Variants in ADCY2 observed in about 807,000 individuals in gnomAD.
ADCY2 encodes adenylate cyclase type 2.
In ADCY2, 31 loss-of-function variants were observed where a neutral mutation model predicts 125.2. The ratio of observed to expected loss-of-function variants is 0.25; its 90% CI spans 0.19 to 0.33. The LOEUF is 0.33. Among genes scored for constraint, ADCY2 ranks in the 10% least tolerant of loss-of-function variants. ADCY2 has a pLI of 1.00. For missense variants in ADCY2, 904 were observed against 1,418.2 expected (o/e 0.64, Z 5.82); for synonymous variants, 512 against 548.4 (o/e 0.93, Z 0.93).
intron 12 of ADCY2, among the ~76,000 whole-genome samples, chr5:7,723,532 A>G (rs1337064994): frequency 6.6e-6 from 1 of 152,212 alleles, no homozygotes; most frequent in Non-Finnish European, 1.5e-5. Flanking sequence ...TTATTTGTCA[A>G]CAACTGAGAG....
chr5:7,541,483 A>T (rs752987888), intron 3 of ADCY2, among the ~76,000 whole-genome samples: 6 of 152,200 alleles, frequency 3.9e-5, no homozygotes, highest in Non-Finnish European at 8.8e-5. Context: ...AACATTCTTG[A>T]TGAGATCACA....
At chr5:7,600,482 C>A (rs755919689) in intron 3 of ADCY2, among the ~76,000 whole-genome samples, 10 of 152,082 alleles carry the variant, frequency 6.6e-5, no homozygotes, top group Non-Finnish European at 1.3e-4. Flanking sequence ...GGCACAAAGG[C>A]AAGGGCTGAG....
At chr5:7,622,502 G>A (rs1225303737) in intron 3 of ADCY2, among the ~76,000 whole-genome samples, 14 of 152,200 alleles carry the variant, frequency 9.2e-5, no homozygotes, top group Admixed American at 9.2e-4. Context: ...TTAAAAATCA[G>A]TAAAGGCATT....
intron 2 of ADCY2, among the ~76,000 whole-genome samples, chr5:7,495,203 C>G (rs1743304332): frequency 6.6e-6 from 1 of 152,178 alleles, no homozygotes; most frequent in South Asian, 2.1e-4. Flanking sequence ...TGCCTCACCT[C>G]CATGTTCTGC....
At chr5:7,669,934 G>C (rs1739876167) in intron 4 of ADCY2, among the ~76,000 whole-genome samples, 1 of 152,164 alleles carries the variant, frequency 6.6e-6, no homozygotes, top group African/African-American at 2.4e-5. Context: ...TGTGAGCTTA[G>C]GTCATGTTCC....
chr5:7,733,024 C>CT (rs1382501861), intron 14 of ADCY2, among the ~76,000 whole-genome samples: 2 of 152,104 alleles, frequency 1.3e-5, no homozygotes, highest in Non-Finnish European at 2.9e-5. Context: ...GCATGAATTG[C>CT]TTTTTTTGCT....
chr5:7,475,867 C>A (rs1445777620), intron 2 of ADCY2, among the ~76,000 whole-genome samples: 1 of 152,108 alleles, frequency 6.6e-6, no homozygotes, highest in African/African-American at 2.4e-5. Context: ...GATCTAAAGT[C>A]TGAGTGGACT....
At chr5:7,659,573 G>C (rs1337823205) in intron 4 of ADCY2, among the ~76,000 whole-genome samples, 1 of 152,180 alleles carries the variant, frequency 6.6e-6, no homozygotes, top group African/African-American at 2.4e-5. Context: ...AGTTATACTT[G>C]CAGTTAGTCC....
At chr5:7,566,198 G>A (rs1304002424) in intron 3 of ADCY2, among the ~76,000 whole-genome samples, 1 of 152,150 alleles carries the variant, frequency 6.6e-6, no homozygotes, top group Non-Finnish European at 1.5e-5. Context: ...CGTTGAGAAA[G>A]GGACACTGCG....
intron 22 of ADCY2, among the ~76,000 whole-genome samples, chr5:7,809,094 GC>G (rs1163846879): frequency 6.6e-6 from 1 of 152,146 alleles, no homozygotes; most frequent in African/African-American, 2.4e-5. Flanking sequence ...CGACTCCATG[GC>G]CATAGTAAGT....
At chr5:7,722,981 AAAAAAG>A (rs1368873962) in intron 12 of ADCY2, among the ~76,000 whole-genome samples, 6 of 147,942 alleles carry the variant, frequency 4.1e-5, no homozygotes, top group Non-Finnish European at 7.4e-5. Flanking sequence ...AAAAAAAAAA[AAAAAAG>A]CATGTCCTTT....
At chr5:7,624,314 T>A (rs1738052317) in intron 3 of ADCY2, among the ~76,000 whole-genome samples, 1 of 152,180 alleles carries the variant, frequency 6.6e-6, no homozygotes, top group Non-Finnish European at 1.5e-5. Context: ...TGTCACCTTA[T>A]TACACTTACA....
chr5:7,776,740 A>T (rs1743740616), intron 18 of ADCY2, among the ~76,000 whole-genome samples: 1 of 152,214 alleles, frequency 6.6e-6, no homozygotes, highest in Admixed American at 6.5e-5. Flanking sequence ...CAACCAGAAC[A>T]AAGCAGGTGA....
At position 7,727,082 on chromosome 5, in the gene ADCY2, T is replaced by G. The variant is rs1343378148; in HGVS notation, c.1774-82T>G. 4.0e-6 allele frequency: 4 copies of G among 1,011,770 alleles called. No homozygotes were observed. The East Asian group carries it at 7.3e-5, about 18-fold the overall frequency. 62.7% of individuals were successfully genotyped at this position (1,011,770 alleles called of 1,614,324 possible). On this transcript the variant is annotated intron_variant, in intron 13 of 24. Coordinates refer to ENST00000338316, the MANE Select transcript of ADCY2 (RefSeq NM_020546.3). Reference sequence around the variant, plus strand: ...CAATTTCTGAGTGTGGTGCATGCTCTGGGTACAACTAGGCTGCTGGACACT... The same window carrying G: ...CAATTTCTGAGTGTGGTGCATGCTCGGGGTACAACTAGGCTGCTGGACACT...
chr5:7,707,897 T>G, intron 9 of ADCY2, 59 bp downstream of exon 9: 1 of 1,562,220 alleles, frequency 6.4e-7, no homozygotes, highest in South Asian at 1.2e-5. Flanking sequence ...TTATTGATAT[T>G]CATAAGTGTT....
chr5:7,478,472 C>T (rs947622583), intron 2 of ADCY2, among the ~76,000 whole-genome samples: 1 of 152,152 alleles, frequency 6.6e-6, no homozygotes, highest in Admixed American at 6.5e-5. Flanking sequence ...ACAGAATATA[C>T]TTAACATACC....
At chr5:7,703,900 G>C (rs909389827) in intron 7 of ADCY2, among the ~76,000 whole-genome samples, 11 of 151,802 alleles carry the variant, frequency 7.2e-5, no homozygotes, top group Non-Finnish European at 1.6e-4. Flanking sequence ...GCTACTGGAG[G>C]CTGAGGCAGG....
chr5:7,444,239 G>A (rs1039889926), intron 2 of ADCY2, among the ~76,000 whole-genome samples: 1 of 149,156 alleles, frequency 6.7e-6, no homozygotes, highest in African/African-American at 2.5e-5. Context: ...TCAGCCTCCC[G>A]AGTAGCTGGG....
intron 2 of ADCY2, among the ~76,000 whole-genome samples, chr5:7,503,355 A>T (rs1743668444): frequency 6.6e-6 from 1 of 152,202 alleles, no homozygotes. Flanking sequence ...ACAGATGCAG[A>T]GGTGAATGTT....
Sources: allele counts gnomAD v4.1 joint callset (sites outside exome capture counted in the v4.1 genomes callset), GRCh38; gene constraint gnomAD v4.1.1; transcripts MANE v1.5; gene names NCBI Gene and HGNC (gene_info 2026-07-23, HGNC 2026-07-21).